The following PRKD1 variants were observed in gnomAD, a reference collection of about 807,000 sequenced individuals.
PRKD1 encodes protein kinase D1.
A neutral mutation model predicts 95.9 loss-of-function variants in PRKD1; 63 were observed. The ratio of observed to expected loss-of-function variants is 0.66; its 90% CI spans 0.54 to 0.81. The LOEUF is 0.81. PRKD1 is among the 30% of genes least tolerant of loss of function. The pLI, the probability that PRKD1 is intolerant of heterozygous loss-of-function variation, is 0.00. For missense variants in PRKD1, 1,048 were observed against 1,165.3 expected (o/e 0.90, Z 1.47); for synonymous variants, 425 against 423.1 (o/e 1.00, Z -0.05).
rs1432650893 is a variant in PRKD1, at chr14:29,576,637, C to G, written c.*601G>C. 6.3e-6 allele frequency: 1 copy of G among 157,632 alleles called. No homozygotes were observed. Among genetic ancestry groups the G allele is most frequent in the African/African-American group, 2.4e-5 (1 of 41,456 alleles). 9.8% of individuals were successfully genotyped at this position (157,632 alleles called of 1,614,324 possible). On this transcript the variant is annotated 3_prime_UTR_variant, in exon 18 of 18. Coordinates refer to ENST00000331968, the MANE Select transcript of PRKD1 (RefSeq NM_002742.3). ...TCTAAGGCATTTAGGCTTAAGAGCACTAGGTCTTGCACAGCTAGGTGCATT... is the reference window on the plus strand; with the variant it reads ...TCTAAGGCATTTAGGCTTAAGAGCAGTAGGTCTTGCACAGCTAGGTGCATT...
intron 6 of PRKD1, chr14:29,638,188 C>T (rs909720116): frequency 3.0e-6 from 1 of 330,156 alleles, no homozygotes; most frequent in African/African-American, 2.1e-5. Flanking sequence ...ACAACATCCA[C>T]ATTTCTGGGC....
At chr14:29,703,143 A>G (rs998912302) in intron 2 of PRKD1, among the ~76,000 whole-genome samples, 1 of 152,066 alleles carries the variant, frequency 6.6e-6, no homozygotes, top group Non-Finnish European at 1.5e-5. Flanking sequence ...CCTCATCAAT[A>G]TTTACCAATC....
At chr14:29,752,638 T>C (rs1887531141) in intron 1 of PRKD1, among the ~76,000 whole-genome samples, 1 of 151,826 alleles carries the variant, frequency 6.6e-6, no homozygotes, top group Non-Finnish European at 1.5e-5. Context: ...CAGATAACAC[T>C]TTCTTATGCA....
chr14:29,648,848 G>T (rs1314104035), intron 4 of PRKD1, among the ~76,000 whole-genome samples: 1 of 152,196 alleles, frequency 6.6e-6, no homozygotes, highest in East Asian at 1.9e-4. Context: ...TAGAGACGGG[G>T]TTTCACCGTG....
intron 1 of PRKD1, among the ~76,000 whole-genome samples, chr14:29,883,250 C>G (rs1893578994): frequency 6.6e-6 from 1 of 152,160 alleles, no homozygotes; most frequent in African/African-American, 2.4e-5. Context: ...ACACCTCCCA[C>G]CAGGCCCCAC....
intron 2 of PRKD1, among the ~76,000 whole-genome samples, chr14:29,686,651 T>G (rs1289584765): frequency 6.6e-6 from 1 of 152,160 alleles, no homozygotes; most frequent in Non-Finnish European, 1.5e-5. Flanking sequence ...TCCATGTGAC[T>G]CTACTAGCCC....
intron 1 of PRKD1, among the ~76,000 whole-genome samples, chr14:29,806,497 C>G (rs1053296760): frequency 3.9e-5 from 6 of 151,986 alleles, no homozygotes; most frequent in Admixed American, 6.6e-5. Flanking sequence ...AATATGTAGT[C>G]TGAATCAGAA....
intron 1 of PRKD1, among the ~76,000 whole-genome samples, chr14:29,748,301 T>G (rs1421079859): frequency 7.9e-5 from 12 of 152,210 alleles, no homozygotes; most frequent in Admixed American, 7.9e-4. Context: ...TAAATATAAA[T>G]AGCTAAATAA....
At chr14:29,875,816 T>C (rs1594594950) in intron 1 of PRKD1, among the ~76,000 whole-genome samples, 2 of 152,236 alleles carry the variant, frequency 1.3e-5, no homozygotes, top group African/African-American at 4.8e-5. Flanking sequence ...CTTGTTTTAC[T>C]TAATATATAA....
At chr14:29,845,175 A>G (rs1044036643) in intron 1 of PRKD1, among the ~76,000 whole-genome samples, 5 of 152,230 alleles carry the variant, frequency 3.3e-5, no homozygotes, top group African/African-American at 1.2e-4. Context: ...AATTCTAAAG[A>G]TACAAATGTT....
intron 1 of PRKD1, among the ~76,000 whole-genome samples, chr14:29,768,394 A>T (rs1227155979): frequency 3.9e-5 from 6 of 152,254 alleles, no homozygotes; most frequent in Admixed American, 2.6e-4. Flanking sequence ...AATCACTGGT[A>T]CTTTGGTAAC....
At chr14:29,908,297 C>G (rs796592050) in intron 1 of PRKD1, among the ~76,000 whole-genome samples, 3 of 152,186 alleles carry the variant, frequency 2.0e-5, no homozygotes, top group African/African-American at 7.2e-5. Context: ...CATATTACAT[C>G]AGTAATCTTT....
intron 16 of PRKD1, chr14:29,594,133 C>A: frequency 2.2e-6 from 1 of 454,586 alleles, no homozygotes; most frequent in Non-Finnish European, 4.4e-6. Flanking sequence ...ACTCAAGCAC[C>A]CCAAGATATA....
At position 29,577,355 on chromosome 14, in the gene PRKD1, G is replaced by A. The variant is rs767961425; in HGVS notation, c.2622C>T (p.Gly874=). ...GTGTGGGGTACTGCAGCCCCTGCTCGCCTGCATACTTCTCCCACCTCAGGT... is the reference window on the plus strand; with the variant it reads ...GTGTGGGGTACTGCAGCCCCTGCTCACCTGCATACTTCTCCCACCTCAGGT... ...SDDLRWEKYA[G]EQGLQYPTHL... Residue 874 remains glycine (G), a synonymous_variant, in exon 18 of 18, where the codon GGC becomes GGT. Coordinates refer to ENST00000331968, the MANE Select transcript of PRKD1 (RefSeq NM_002742.3). 9.3e-5 allele frequency: 150 copies of A among 1,613,620 alleles called. No homozygotes were observed. The highest frequency in any genetic ancestry group is 1.2e-4 in the Non-Finnish European group (144 of 1,179,810).
At chr14:29,637,371 T>A (rs976521722) in intron 6 of PRKD1, among the ~76,000 whole-genome samples, 1 of 152,190 alleles carries the variant, frequency 6.6e-6, no homozygotes, top group Non-Finnish European at 1.5e-5. Flanking sequence ...TGGCAAAAAT[T>A]AAAATTACTT....
intron 1 of PRKD1, among the ~76,000 whole-genome samples, chr14:29,875,949 G>A (rs553748603): frequency 6.6e-6 from 1 of 152,274 alleles, no homozygotes; most frequent in South Asian, 2.1e-4. Context: ...GAATTCGTCA[G>A]ACTATCAGCA....
intron 1 of PRKD1, among the ~76,000 whole-genome samples, chr14:29,798,512 G>A (rs1410547627): frequency 3.9e-5 from 6 of 152,268 alleles, no homozygotes; most frequent in African/African-American, 1.4e-4. Flanking sequence ...ATAGGCTAAA[G>A]TCTTCTGACT....
intron 1 of PRKD1, among the ~76,000 whole-genome samples, chr14:29,752,682 C>T (rs1206899580): frequency 6.6e-6 from 1 of 151,788 alleles, no homozygotes; most frequent in Non-Finnish European, 1.5e-5. Flanking sequence ...AGGGCATCAC[C>T]AACTTAATAT....
chr14:29,830,359 T>A (rs1033557374), intron 1 of PRKD1, among the ~76,000 whole-genome samples: 1 of 152,208 alleles, frequency 6.6e-6, no homozygotes, highest in Non-Finnish European at 1.5e-5. Context: ...AAGAAGACAT[T>A]CAGAGTGGAG....
Sources: gnomAD v4.1 joint callset for allele counts (sites outside exome capture counted in the v4.1 genomes callset) on GRCh38, gnomAD v4.1.1 for gene constraint, MANE v1.5 for transcripts, NCBI Gene and HGNC (gene_info 2026-07-23, HGNC 2026-07-21) for gene names.